Variants in MCM2 observed in about 807,000 individuals in gnomAD.
MCM2 encodes the protein DNA replication licensing factor MCM2.
In MCM2, 49 loss-of-function variants were observed where a neutral mutation model predicts 86.4. The observed-to-expected ratio is 0.57, with a 90% CI of 0.45 to 0.72. MCM2 has a LOEUF of 0.72. Among genes scored for constraint, MCM2 ranks in the 30% least tolerant of loss-of-function variants. The pLI is 0.00. For synonymous variants in MCM2, 475 were observed against 484.6 expected, an observed-to-expected ratio of 0.98 and a Z score of 0.26; for missense variants, 1,038 against 1,259.9, an observed-to-expected ratio of 0.82 and a Z score of 2.67.
chr3:127,610,002 A>G (rs983386891), intron 8 of MCM2, among the ~76,000 whole-genome samples: 2 of 151,540 alleles, frequency 1.3e-5, no homozygotes, highest in Non-Finnish European at 2.9e-5. Context: ...ACATCACCGC[A>G]CCTGACTAAT....
chr3:127,611,799 C>T (rs1001706321), intron 8 of MCM2, among the ~76,000 whole-genome samples: 20 of 140,972 alleles, frequency 1.4e-4, no homozygotes, highest in African/African-American at 2.7e-4. Flanking sequence ...CCCGGGTTCA[C>T]GCCATTCTCC....
intron 15 of MCM2, 55 bp from the exon 16 acceptor site, chr3:127,621,608 G>A (rs1172204695): frequency 2.5e-6 from 3 of 1,200,436 alleles, no homozygotes; most frequent in Admixed American, 1.7e-5. Flanking sequence ...GGGGCGCTCT[G>A]GAAACAGCCT....
In MCM2 at chr3:127,616,928, C is replaced by T; in HGVS notation, c.1583C>T (p.Ala528Val). The T allele has an allele frequency of 6.2e-7, 1 of 1,614,164 alleles. No individual in the cohort carries two copies. Residue 528 changes from alanine to valine, a missense_variant, in exon 10 of 16, where the codon GCG becomes GTG. By Grantham distance (64) the Ala-to-Val change is moderately conservative. Transcript: ENST00000265056. ...NVLLCGDPGT[A>V]KSQFLKYIEK... ...CTCTTGTGCGGAGACCCTGGCACAG[C>T]GAAGTCGCAGTTTCTCAAGTATATT...
At position 127,604,599 on chromosome 3, in the gene MCM2, C is replaced by G. The variant is rs781491294; in HGVS notation, c.237-9C>G. The G allele has an allele frequency of 5.0e-6, 8 of 1,608,810 alleles. No homozygotes were observed. Among genetic ancestry groups the G allele is most frequent in the Non-Finnish European group, 5.9e-6 (7 of 1,176,932 alleles). ...GGCAGTAACCACATCTGTTTTGGTG[C>G]TCCCTCAGGGACTACCGCGCCATCC... On this transcript the variant is annotated splice_polypyrimidine_tract_variant and intron_variant, in intron 2 of 15. Transcript: ENST00000265056.
In MCM2 at chr3:127,606,206, G is replaced by A. The variant is rs756282063; in HGVS notation, c.762G>A (p.Glu254=). 4.3e-6 allele frequency: 7 copies of A among 1,614,234 alleles called. No individual in the cohort carries two copies. In the South Asian group the frequency reaches 7.7e-5, roughly 18 times the overall value. Residue 254 remains glutamate, a synonymous_variant, in exon 5 of 16, where the codon GAG becomes GAA. Transcript: ENST00000265056. This position sits in a 1 kb window ranked among gnomAD's most constrained non-coding sequence, Gnocchi z 4.2. ...ACTTCCTGCCTGAGGCACCGGCGGA[G>A]CTGCTGCAGATCTTTGATGAGGCTG... ...LAYFLPEAPA[E]LLQIFDEAAL...
intron 2 of MCM2, among the ~76,000 whole-genome samples, chr3:127,601,217 A>C (rs1306217753): frequency 2.0e-5 from 3 of 151,854 alleles, no homozygotes; most frequent in Non-Finnish European, 4.4e-5. Flanking sequence ...CATGTGCAGC[A>C]CTCCATTCCT....
At chr3:127,616,175 G>A (rs2074431223) in intron 9 of MCM2, among the ~76,000 whole-genome samples, 3 of 152,174 alleles carry the variant, frequency 2.0e-5, no homozygotes, top group South Asian at 4.1e-4. Flanking sequence ...GTGTCTGCCT[G>A]CTTTTGTGAT....
At chr3:127,604,404 C>T (rs1285322339) in intron 2 of MCM2, 2 of 539,152 alleles carry the variant, frequency 3.7e-6, no homozygotes, top group South Asian at 6.0e-5. Context: ...TTTAAGGCTT[C>T]ATCGTCCATC....
At chr3:127,614,650 T>G (rs2074420616) in intron 8 of MCM2, among the ~76,000 whole-genome samples, 1 of 152,244 alleles carries the variant, frequency 6.6e-6, no homozygotes, top group Non-Finnish European at 1.5e-5. Flanking sequence ...AAATGCCTGC[T>G]TATTTTCTTT....
intron 8 of MCM2, among the ~76,000 whole-genome samples, chr3:127,615,471 C>T (rs1362894752): frequency 6.6e-6 from 1 of 152,204 alleles, no homozygotes; most frequent in African/African-American, 2.4e-5. Flanking sequence ...TTTGTACCCA[C>T]CCTTCTGTGA....
At chr3:127,602,399 C>G (rs2074312366) in intron 2 of MCM2, among the ~76,000 whole-genome samples, 1 of 152,126 alleles carries the variant, frequency 6.6e-6, no homozygotes, top group Non-Finnish European at 1.5e-5. Flanking sequence ...GTAGCAGTTT[C>G]TCTTGTCACC....
intron 6 of MCM2, among the ~76,000 whole-genome samples, chr3:127,607,425 C>G (rs1363993612): frequency 6.6e-6 from 1 of 152,234 alleles, no homozygotes; most frequent in East Asian, 1.9e-4. Context: ...GTTGGCTGTC[C>G]TCTTCTCACC....
At position 127,618,183 on chromosome 3, in the gene MCM2, G is replaced by A. The variant is rs59885027; in HGVS notation, c.2013+102G>A. 2 of 870,068 alleles carry A rather than the reference G, an allele frequency of 2.3e-6. No homozygotes were observed. Among genetic ancestry groups the A allele is most frequent in the African/African-American group, 3.3e-5 (2 of 59,988 alleles). 53.9% of individuals were successfully genotyped at this position (870,068 alleles called of 1,614,324 possible). ...CCCAACACAGGGGACAGGTGCTGCA[G>A]GGGCCATAGGCTGTTTTCTAGTCCT... On this transcript the variant is annotated intron_variant, in intron 12 of 15. Coordinates refer to ENST00000265056, the MANE Select transcript of MCM2 (RefSeq NM_004526.4). This position sits in a 1 kb window ranked among gnomAD's most constrained non-coding sequence, Gnocchi z 4.0.
At chr3:127,605,646 G>C (rs148744277) in intron 4 of MCM2, among the ~76,000 whole-genome samples, 1 of 151,536 alleles carries the variant, frequency 6.6e-6, no homozygotes, top group Non-Finnish European at 1.5e-5. Context: ...CTCCATGTTG[G>C]TCAGACTGGT....
intron 8 of MCM2, among the ~76,000 whole-genome samples, chr3:127,611,569 T>C (rs911835007): frequency 3.3e-5 from 5 of 152,062 alleles, no homozygotes; most frequent in Non-Finnish European, 7.3e-5. Context: ...CGTGTCTTGA[T>C]GCCTGCTATT....
In MCM2 at chr3:127,604,600, TCC is replaced by T. The variant is rs748118730; in HGVS notation, c.237-6_237-5del. On this transcript the variant is annotated splice_polypyrimidine_tract_variant and splice_region_variant and intron_variant, in intron 2 of 15. Coordinates refer to ENST00000265056, the MANE Select transcript of MCM2 (RefSeq NM_004526.4). ...GCAGTAACCACATCTGTTTTGGTGC[TCC>T]CTCAGGGACTACCGCGCCATCCCAG... 1 of 1,608,966 alleles carries T rather than the reference TCC, an allele frequency of 6.2e-7. No homozygotes were observed. The highest frequency in any genetic ancestry group is 1.1e-5 in the South Asian group (1 of 90,994).
chr3:127,606,773 C>T lies in MCM2; in HGVS notation c.1057C>T (p.Pro353Ser), dbSNP rs2074355097. The T allele has an allele frequency of 1.2e-6, 2 of 1,614,234 alleles. No homozygotes were observed. Among genetic ancestry groups the T allele is most frequent in the East Asian group, 2.2e-5 (1 of 44,876 alleles). ...QNQEVKPGSCPECQSAGPFEV... is the reference protein window; with the variant it reads ...QNQEVKPGSCSECQSAGPFEV... The stretch of plus-strand genomic sequence containing the variant: ...CCAGGAGGTGAAACCAGGCTCCTGT[C>T]CTGAGTGCCAGTCGGCCGGCCCCTT... The change falls in exon 6 of 16, where the codon CCT becomes TCT. Residue 353 changes from proline to serine, a missense_variant. Transcript: ENST00000265056. The surrounding 1 kb of genome is among the most constrained non-coding windows in gnomAD (Gnocchi z 4.2).
chr3:127,610,887 G>C, intron 8 of MCM2: 1 of 456,732 alleles, frequency 2.2e-6, no homozygotes, highest in South Asian at 1.5e-5. Flanking sequence ...CATAGGAGAG[G>C]TGGGTGTTTC....
Position 127,611,682 on chromosome 3 carries a change from CTTTTTTTTTTT to C in MCM2, c.1428+2683_1428+2693del, listed in dbSNP as rs59607211. 1.8e-4 allele frequency among the ~76,000 whole-genome samples: 10 copies of C among 54,256 alleles called. No individual in the cohort carries two copies. In the South Asian group the frequency reaches 4.1e-3, roughly 22 times the overall value. The allele number at this position is 54,256 out of a possible 152,430, so 35.6% of individuals were successfully genotyped here. A position where few individuals can be genotyped will look rare whatever the true frequency, so the allele number is the denominator to read the frequency against. On this transcript the variant is annotated intron_variant, in intron 8 of 15. Transcript: ENST00000265056. ...AAGCCCTGCAGGCTTCTGCAGCTGA[CTTTTTTTTTTT>C]TTTTTTTTTTTTTTTTTTTTTTTGA... is the stretch of plus-strand genomic sequence containing the variant.
Sources: allele counts gnomAD v4.1 joint callset (sites outside exome capture counted in the v4.1 genomes callset), GRCh38; gene constraint gnomAD v4.1.1; non-coding constraint Gnocchi (gnomAD v3.1); transcripts MANE v1.5; gene names NCBI Gene and HGNC (gene_info 2026-07-23, HGNC 2026-07-21).